TP73: variants seen among roughly 807,000 people sequenced by gnomAD.
The protein encoded by TP73 is p53-like transcription factor.
A neutral mutation model predicts 62.5 loss-of-function variants in TP73; 25 were observed. The observed-to-expected ratio is 0.40, with a 90% CI of 0.29 to 0.56. The LOEUF is 0.56. Among genes scored for constraint, TP73 ranks in the 20% least tolerant of loss-of-function variants. The pLI is 0.46. For missense variants in TP73, 754 were observed against 913.3 expected, an observed-to-expected ratio of 0.83 and a Z score of 2.25; for synonymous variants, 423 against 377.5, an observed-to-expected ratio of 1.12 and a Z score of -1.40.
intron 3 of TP73, among the ~76,000 whole-genome samples, chr1:3,688,367 G>A (rs1645718839): frequency 6.6e-6 from 1 of 152,194 alleles, no homozygotes. Context: ...CATGAGTTTG[G>A]CCTTGAACTG....
intron 7 of TP73, 91 bp from the exon 8 acceptor site, chr1:3,727,537 G>A (rs896755505): frequency 1.9e-5 from 29 of 1,517,074 alleles, no homozygotes; most frequent in Admixed American, 6.0e-5. Flanking sequence ...TCTCAAGGCC[G>A]GTCCTGCAGG....
Position 3,690,801 on chromosome 1 carries a change from G to A in TP73, c.186+7621G>A, listed in dbSNP as rs1645797256. On this transcript the variant is annotated intron_variant, in intron 3 of 13. Coordinates refer to ENST00000378295, the MANE Select transcript of TP73 (RefSeq NM_005427.4). ...GAGCCTCTCCCGCTCGGTCCACGCTGCCGGGCGGCCACGACCGTGACCCTT... is the reference window on the plus strand; with the variant it reads ...GAGCCTCTCCCGCTCGGTCCACGCTACCGGGCGGCCACGACCGTGACCCTT... The A allele has an allele frequency of 1.2e-5, 18 of 1,530,904 alleles. No homozygotes were observed. The East Asian group carries it at 4.4e-4, about 38-fold the overall frequency. 94.8% of individuals were successfully genotyped at this position (1,530,904 alleles called of 1,614,324 possible). A position where few individuals can be genotyped will look rare whatever the true frequency, so the allele number is the denominator to read the frequency against.
chr1:3,685,638 G>A (rs1032529646), intron 3 of TP73, among the ~76,000 whole-genome samples: 2 of 152,238 alleles, frequency 1.3e-5, no homozygotes, highest in African/African-American at 2.4e-5. Context: ...TCCGAAGGGC[G>A]CCAACGGGTG....
intron 3 of TP73, among the ~76,000 whole-genome samples, chr1:3,685,956 G>C: frequency 6.6e-6 from 1 of 152,224 alleles, no homozygotes; most frequent in East Asian, 1.9e-4. Flanking sequence ...GCCCGGCCTC[G>C]GGTCAGACAG....
At position 3,709,686 on chromosome 1, in the gene TP73, A is replaced by T. The variant is rs562094509; in HGVS notation, c.429+1895A>T. On this transcript the variant is annotated intron_variant, in intron 4 of 13. Coordinates refer to ENST00000378295, the MANE Select transcript of TP73 (RefSeq NM_005427.4). ...GGAGCCTCACCACTGCTTCTCTCCC[A>T]CACTCAGGCTTGTTGCCTAAGTCCA... 2.0e-5 allele frequency among the ~76,000 whole-genome samples: 3 copies of T among 152,250 alleles called. No individual in the cohort carries two copies. In the East Asian group the frequency reaches 5.8e-4, roughly 29 times the overall value.
chr1:3,705,212 A>G (rs1015247914), intron 3 of TP73, among the ~76,000 whole-genome samples: 1 of 152,212 alleles, frequency 6.6e-6, no homozygotes, highest in African/African-American at 2.4e-5. Context: ...AGCTGGCACC[A>G]TGGCTTATCC....
At chr1:3,664,565 C>G (rs990935860) in intron 1 of TP73, among the ~76,000 whole-genome samples, 1 of 152,214 alleles carries the variant, frequency 6.6e-6, no homozygotes, top group Non-Finnish European at 1.5e-5. Flanking sequence ...TCCACCAGTC[C>G]GAATACATGA....
rs748631019 is a variant in TP73 at position 3,683,100 on chromosome 1, C to CG, written c.111dup (p.Asn38GlufsTer2). Reference sequence around the variant, plus strand: ...CTACTTCGACCTTCCCCAGTCAAGCCGGGGGAATAATGAGGTGGTGGGCGG... The same window carrying CG: ...CTACTTCGACCTTCCCCAGTCAAGCCGGGGGGAATAATGAGGTGGTGGGCGG... On this transcript the variant is annotated frameshift_variant, in exon 3 of 14. Coordinates refer to ENST00000378295, the MANE Select transcript of TP73 (RefSeq NM_005427.4). LOFTEE classifies it high-confidence loss of function. 6.2e-7 allele frequency: 1 copy of CG among 1,612,248 alleles called. No individual in the cohort carries two copies.
At chr1:3,698,269 G>C (rs1293563610) in intron 3 of TP73, 2 of 241,576 alleles carry the variant, frequency 8.3e-6, no homozygotes, top group African/African-American at 4.6e-5. Context: ...GGGGAGAGAA[G>C]CGTGTGTGAG....
rs75368081 is a variant in TP73, at chr1:3,670,702, A to G, written c.-33-11631A>G. On this transcript the variant is annotated intron_variant, in intron 1 of 13. Transcript: ENST00000378295. This position sits in a 1 kb window ranked among gnomAD's most constrained non-coding sequence, Gnocchi z 5.9. ...AATAAAATAAAAAAGATAGGAAAAG[A>G]AAAAGAAAAAGTGAGGAGAAATGAG... Among the ~76,000 whole-genome samples the G allele has an allele frequency of 0.069, 10,493 of 152,176 alleles. 499 individuals are homozygous for G. The highest frequency in any genetic ancestry group is 0.17 in the East Asian group (895 of 5,170).
intron 1 of TP73, among the ~76,000 whole-genome samples, chr1:3,678,357 C>T (rs1215461899): frequency 6.6e-6 from 1 of 152,224 alleles, no homozygotes; most frequent in Admixed American, 6.5e-5. Context: ...CCCAGCGCAG[C>T]GTCCCTGCAC....
In TP73 at chr1:3,682,952, T is replaced by C. The variant is rs965634081; in HGVS notation, c.66-108T>C. The C allele has an allele frequency of 9.0e-6, 13 of 1,436,566 alleles. 1 individual carries two copies. The highest frequency in any genetic ancestry group is 7.1e-5 in the East Asian group (3 of 42,346). 89.0% of individuals were successfully genotyped at this position (1,436,566 alleles called of 1,614,324 possible). On this transcript the variant is annotated intron_variant, in intron 2 of 13. Coordinates refer to ENST00000378295, the MANE Select transcript of TP73 (RefSeq NM_005427.4). Reference sequence around the variant, plus strand: ...GAGGGAATGGGAAGGGCAGGAGACGTAGGCCTCACCAGGAGTCTCAGGCTA... The same window carrying C: ...GAGGGAATGGGAAGGGCAGGAGACGCAGGCCTCACCAGGAGTCTCAGGCTA...
At chr1:3,674,911 C>T (rs569072282) in intron 1 of TP73, among the ~76,000 whole-genome samples, 115 of 152,342 alleles carry the variant, frequency 7.5e-4, no homozygotes, top group African/African-American at 2.7e-3. Context: ...ACCCCTCTGC[C>T]CAGGCGGGGG....
intron 4 of TP73, among the ~76,000 whole-genome samples, chr1:3,718,884 C>A (rs1166683288): frequency 1.3e-5 from 2 of 152,142 alleles, no homozygotes; most frequent in Non-Finnish European, 2.9e-5. Context: ...CCCCCGCAAC[C>A]AACACCTCCT....
At chr1:3,661,859 A>C (rs1322095453) in intron 1 of TP73, among the ~76,000 whole-genome samples, 1 of 147,734 alleles carries the variant, frequency 6.8e-6, no homozygotes, top group Non-Finnish European at 1.5e-5. Context: ...TATTATATAT[A>C]TACACACAAT....
rs760302209 is a variant in TP73, at chr1:3,731,437, C to T, written c.1485-26C>T. ...GCCCTGTGCTCGGAAGCTAATGCTGCTTCCTTTCTCAAATTCTCTCTGCAG... is the reference window on the plus strand; with the variant it reads ...GCCCTGTGCTCGGAAGCTAATGCTGTTTCCTTTCTCAAATTCTCTCTGCAG... On this transcript the variant is annotated intron_variant, in intron 12 of 13. Coordinates refer to ENST00000378295, the MANE Select transcript of TP73 (RefSeq NM_005427.4). 3 of 1,608,744 alleles carry T rather than the reference C, an allele frequency of 1.9e-6. No individual in the cohort carries two copies. The Admixed American group carries it at 5.0e-5, about 27-fold the overall frequency.
At chr1:3,683,849 C>T (rs1447526745) in intron 3 of TP73, among the ~76,000 whole-genome samples, 2 of 152,172 alleles carry the variant, frequency 1.3e-5, no homozygotes, top group Admixed American at 6.5e-5. Flanking sequence ...GGGTGGGCCT[C>T]CCCACACAGG....
In TP73 at chr1:3,730,923, C is replaced by T; in HGVS notation, c.1346-4C>T. 1 of 1,598,758 alleles carries T rather than the reference C, an allele frequency of 6.3e-7. No homozygotes were observed. The highest frequency in any genetic ancestry group is 8.5e-7 in the Non-Finnish European group (1 of 1,172,968). On this transcript the variant is annotated splice_polypyrimidine_tract_variant and splice_region_variant and intron_variant, in intron 11 of 13. Coordinates refer to ENST00000378295, the MANE Select transcript of TP73 (RefSeq NM_005427.4). The stretch of plus-strand genomic sequence containing the variant: ...CCTGATGGCCCCACCTGCCTCTCAC[C>T]CAGGCCCCGGGATGCTCAACAACCA...
intron 4 of TP73, among the ~76,000 whole-genome samples, chr1:3,720,435 C>T (rs548325630): frequency 1.3e-4 from 20 of 152,324 alleles, no homozygotes; most frequent in African/African-American, 4.6e-4. Flanking sequence ...ATCCAATTCC[C>T]ATCCTGAGGA....
Sources: allele counts gnomAD v4.1 joint callset (sites outside exome capture counted in the v4.1 genomes callset), GRCh38; gene constraint gnomAD v4.1.1; non-coding constraint Gnocchi (gnomAD v3.1); transcripts MANE v1.5; gene names NCBI Gene and HGNC (gene_info 2026-07-23, HGNC 2026-07-21).